Variants in CBLN2 observed in about 807,000 individuals in gnomAD.
CBLN2 encodes the protein cerebellin 2 precursor, also known as cerebellin-2.
In CBLN2, 7 loss-of-function variants were observed where a neutral mutation model predicts 15.0. That is an observed-to-expected ratio of 0.47 (90% confidence interval 0.27 to 0.88). The LOEUF (loss-of-function observed/expected upper bound fraction) is 0.88. Ranked by LOEUF, CBLN2 falls within the 40% of genes least tolerant of loss-of-function variation. CBLN2 has a pLI of 0.14. For missense variants in CBLN2, 242 were observed against 304.5 expected (o/e 0.79, Z 1.53); for synonymous variants, 149 against 135.2 (o/e 1.10, Z -0.71).
intron 1 of CBLN2, among the ~76,000 whole-genome samples, chr18:72,574,092 G>C (rs1286793768): frequency 3.3e-5 from 5 of 151,912 alleles, no homozygotes; most frequent in Non-Finnish European, 7.4e-5. Flanking sequence ...TCTTTGATGA[G>C]GTGTCTGTTT....
intron 1 of CBLN2, among the ~76,000 whole-genome samples, chr18:72,636,546 A>G (rs1481791930): frequency 3.3e-5 from 5 of 152,160 alleles, no homozygotes; most frequent in African/African-American, 4.8e-5. Context: ...AACATCCACG[A>G]TATGTGGATA....
chr18:72,598,529 C>T (rs954379880), intron 1 of CBLN2, among the ~76,000 whole-genome samples: 2 of 152,192 alleles, frequency 1.3e-5, no homozygotes, highest in African/African-American at 4.8e-5. Context: ...AGGGGTTATG[C>T]AAGCACTCCC....
At chr18:72,625,053 G>A (rs1012717540) in intron 1 of CBLN2, 1 of 152,118 alleles carries the variant, frequency 6.6e-6, no homozygotes, top group Non-Finnish European at 1.5e-5. Context: ...GCTTTAGGGA[G>A]CCTCTCTCCA....
At chr18:72,578,510 T>A (rs1173380073) in intron 1 of CBLN2, among the ~76,000 whole-genome samples, 2 of 152,192 alleles carry the variant, frequency 1.3e-5, no homozygotes, top group East Asian at 1.9e-4. Context: ...CTGGTGAAGA[T>A]CATCATTTCT....
rs184705044 is a variant in CBLN2 at position 72,552,943 on chromosome 18, T to A, written c.16-14171A>T. 3.2e-3 allele frequency among the ~76,000 whole-genome samples: 495 copies of A among 152,310 alleles called. 3 individuals are homozygous for A. The highest frequency in any genetic ancestry group is 0.012 in the African/African-American group (481 of 41,576). On this transcript the variant is annotated intron_variant, in intron 1 of 2. Coordinates refer to the CBLN2 transcript ENST00000581073. ...AAAGTGTTAGGCAAGAGATTGTTAT[T>A]ACTATTATTCAATCCTATGTGTCTC...
chr18:72,558,146 G>C (rs1041907465), intron 1 of CBLN2, among the ~76,000 whole-genome samples: 1 of 152,146 alleles, frequency 6.6e-6, no homozygotes, highest in Non-Finnish European at 1.5e-5. Context: ...GATCTATGCT[G>C]ACCATGTGAC....
At chr18:72,561,269 C>A (rs942508540) in intron 1 of CBLN2, among the ~76,000 whole-genome samples, 1 of 141,352 alleles carries the variant, frequency 7.1e-6, no homozygotes, top group East Asian at 2.0e-4. Context: ...AGATGCTTGA[C>A]ATTTATCTCC....
At position 72,623,614 on chromosome 18, in the gene CBLN2, T is replaced by A. The variant is rs192875128; in HGVS notation, c.15+14711A>T. Among the ~76,000 whole-genome samples the A allele has an allele frequency of 8.5e-5, 13 of 152,198 alleles. 1 individual carries two copies. ...CTTTGTACAAACCTCAGAAACCTCA[T>A]CACGCTGCAGACAACCACTGGCCTG... On this transcript the variant is annotated intron_variant, in intron 1 of 2. Coordinates refer to the CBLN2 transcript ENST00000581073.
intron 2 of CBLN2, chr18:72,542,907 C>CA (rs1598989529): frequency 1.6e-5 from 2 of 123,552 alleles, no homozygotes; most frequent in African/African-American, 6.5e-5. Flanking sequence ...GGGGAAATGA[C>CA]ACCACACACA....
intron 1 of CBLN2, among the ~76,000 whole-genome samples, chr18:72,559,148 A>G (rs554774140): frequency 6.6e-6 from 1 of 152,348 alleles, no homozygotes; most frequent in South Asian, 2.1e-4. Context: ...AGCACTCCCC[A>G]GGTCTGGCAA....
At chr18:72,611,628 G>A (rs988488363) in intron 1 of CBLN2, among the ~76,000 whole-genome samples, 1 of 152,110 alleles carries the variant, frequency 6.6e-6, no homozygotes, top group Non-Finnish European at 1.5e-5. Flanking sequence ...GTTCCTTATA[G>A]ATTATGGATA....
intron 1 of CBLN2, among the ~76,000 whole-genome samples, chr18:72,586,556 C>T (rs147400560): frequency 2.6e-5 from 4 of 152,310 alleles, no homozygotes; most frequent in Admixed American, 2.0e-4. Context: ...CCCCATGCTT[C>T]ACAAGTATTC....
At chr18:72,561,016 AT>A (rs1160897007) in intron 1 of CBLN2, among the ~76,000 whole-genome samples, 2 of 152,330 alleles carry the variant, frequency 1.3e-5, no homozygotes, top group East Asian at 3.9e-4. Flanking sequence ...CTCAAAAAAA[AT>A]AAAGAAAGAA....
intron 1 of CBLN2, among the ~76,000 whole-genome samples, chr18:72,607,369 T>C (rs369663011): frequency 6.6e-6 from 1 of 152,328 alleles, no homozygotes; most frequent in African/African-American, 2.4e-5. Flanking sequence ...TCCGCCCCAC[T>C]TGGAAATGCA....
At chr18:72,557,842 C>G (rs1292108471) in intron 1 of CBLN2, among the ~76,000 whole-genome samples, 1 of 152,162 alleles carries the variant, frequency 6.6e-6, no homozygotes, top group Admixed American at 6.5e-5. Flanking sequence ...ATAGGTACAA[C>G]AAGCCACCAC....
intron 1 of CBLN2, among the ~76,000 whole-genome samples, chr18:72,603,201 C>T (rs1257254958): frequency 6.6e-6 from 1 of 152,226 alleles, no homozygotes; most frequent in Non-Finnish European, 1.5e-5. Flanking sequence ...ACATCTTTTA[C>T]AACGTGTATT....
At chr18:72,583,412 G>A (rs111358182) in intron 1 of CBLN2, among the ~76,000 whole-genome samples, 2 of 152,158 alleles carry the variant, frequency 1.3e-5, no homozygotes, top group African/African-American at 4.8e-5. Context: ...GCAAACACAA[G>A]CATACACTCA....
intron 1 of CBLN2, among the ~76,000 whole-genome samples, chr18:72,634,395 G>T (rs536109767): frequency 6.6e-6 from 1 of 151,796 alleles, no homozygotes; most frequent in African/African-American, 2.4e-5. Flanking sequence ...ATTAAATATT[G>T]TTTATTCCTT....
At position 72,537,845 on chromosome 18, in the gene CBLN2, A is replaced by G. The variant is rs992234578; in HGVS notation, c.*331T>C. The G allele has an allele frequency of 5.6e-6, 2 of 359,022 alleles. No homozygotes were observed. The highest frequency in any genetic ancestry group is 4.2e-5 in the African/African-American group (2 of 47,788). The allele number at this position is 359,022 out of a possible 1,614,324, so 22.2% of individuals were successfully genotyped here. On this transcript the variant is annotated 3_prime_UTR_variant, in exon 5 of 5. Transcript: ENST00000269503. ...TCTCCTTCCGTTGGGACGACAATAC[A>G]ACATACAAACAAAAGAGGTCCATGG...
Sources: gnomAD v4.1 joint callset for allele counts (sites outside exome capture counted in the v4.1 genomes callset) on GRCh38, gnomAD v4.1.1 for gene constraint, MANE v1.5 for transcripts, NCBI Gene and HGNC (gene_info 2026-07-23, HGNC 2026-07-21) for gene names.